SLC2A2: variants seen among roughly 807,000 people sequenced by gnomAD.
SLC2A2 encodes solute carrier family 2, facilitated glucose transporter member 2.
A neutral mutation model predicts 54.5 loss-of-function variants in SLC2A2; 36 were observed. The observed-to-expected ratio is 0.66, with a 90% confidence interval of 0.51 to 0.87. The LOEUF is 0.87. Among genes scored for constraint, SLC2A2 ranks in the 40% least tolerant of loss-of-function variants. The pLI is 0.00. For synonymous variants in SLC2A2, 223 were observed against 219.1 expected (o/e 1.02, Z -0.16); for missense variants, 543 against 624.3 (o/e 0.87, Z 1.39).
chr3:171,012,749 CTT>C (rs745871118), intron 3 of SLC2A2, among the ~76,000 whole-genome samples: 1 of 152,036 alleles, frequency 6.6e-6, no homozygotes, highest in Admixed American at 6.6e-5. Flanking sequence ...ATACTGATAA[CTT>C]TGTCTTAATT....
At chr3:171,020,814 G>A (rs1362739582) in intron 1 of SLC2A2, among the ~76,000 whole-genome samples, 1 of 151,692 alleles carries the variant, frequency 6.6e-6, no homozygotes, top group Non-Finnish European at 1.5e-5. Context: ...AGCCCAGGAG[G>A]TTGCTGCTGC....
At chr3:171,014,428 A>G in intron 3 of SLC2A2, 41 bp downstream of exon 3, 2 of 1,602,282 alleles carry the variant, frequency 1.2e-6, no homozygotes, top group Non-Finnish European at 1.7e-6. Context: ...AAATGAAAAT[A>G]TGAAAGTTTC....
chr3:171,019,647 T>G (rs76266024), intron 1 of SLC2A2, among the ~76,000 whole-genome samples: 188 of 152,276 alleles, frequency 1.2e-3, no homozygotes, highest in African/African-American at 4.5e-3. Flanking sequence ...TCAAATAGAT[T>G]CAGATACATC....
In SLC2A2 at chr3:171,007,167, G is replaced by A. The variant is rs149460434; in HGVS notation, c.593C>T (p.Thr198Met). ...TTTTACCTGACTAATAAGAATGCCC[G>A]TGACGATGGCCAGCTGATGAAAAGT... ...LGTFHQLAIV[T>M]GILISQIIGL... Residue 198 changes from threonine to methionine, a missense_variant, in exon 5 of 11, where the codon ACG becomes ATG. Thr to Met is a moderately conservative substitution (Grantham distance 81). Around this residue, in one of 3 missense-constraint regions of SLC2A2, gnomAD observed 318 missense variants for 343.8 expected, o/e 0.93. Coordinates refer to ENST00000314251, the MANE Select transcript of SLC2A2 (RefSeq NM_000340.2). The A allele has an allele frequency of 7.0e-5, 112 of 1,610,980 alleles. No individual in the cohort carries two copies. Among genetic ancestry groups the A allele is most frequent in the Middle Eastern group, 1.7e-4 (1 of 6,054 alleles).
intron 7 of SLC2A2, among the ~76,000 whole-genome samples, 162 bp downstream of exon 7, chr3:171,005,123 A>G (rs568455597): frequency 2.6e-5 from 4 of 152,168 alleles, no homozygotes; most frequent in East Asian, 1.9e-4. Flanking sequence ...AAAACTTTTG[A>G]AGCAAAATGG....
intron 2 of SLC2A2, among the ~76,000 whole-genome samples, chr3:171,018,215 T>G (rs1445702092): frequency 6.6e-6 from 1 of 152,130 alleles, no homozygotes; most frequent in Non-Finnish European, 1.5e-5. Context: ...AATGTTGCAA[T>G]AAGCTCTTTT....
rs1174349159 is a variant in SLC2A2 at position 170,999,129 on chromosome 3, AAGAG to A, written c.1102_1105del (p.Leu368PhefsTer2). ...AAACATCCCACTCATTCCAATTAGAAAGAGAGAACGTCGCCCTGCCTTCTCCACA... is the reference window on the plus strand; with the variant it reads ...AAACATCCCACTCATTCCAATTAGAAAGAACGTCGCCCTGCCTTCTCCACA... On this transcript the variant is annotated frameshift_variant, in exon 9 of 11. Transcript: ENST00000314251. LOFTEE classifies it high-confidence loss of function. 1 of 1,612,758 alleles carries A rather than the reference AAGAG, an allele frequency of 6.2e-7. No individual in the cohort carries two copies. The highest frequency in any genetic ancestry group is 1.3e-5 in the African/African-American group (1 of 74,832).
chr3:171,011,265 G>A (rs1715868404), intron 3 of SLC2A2, among the ~76,000 whole-genome samples: 1 of 152,108 alleles, frequency 6.6e-6, no homozygotes, highest in Non-Finnish European at 1.5e-5. Flanking sequence ...TGAGAATCTT[G>A]AGATGGGGAG....
At chr3:171,003,011 A>G (rs919159152) in intron 7 of SLC2A2, among the ~76,000 whole-genome samples, 4 of 152,022 alleles carry the variant, frequency 2.6e-5, no homozygotes, top group Admixed American at 2.6e-4. Flanking sequence ...ATTTTCACAA[A>G]CTGAACACAC....
intron 6 of SLC2A2, among the ~76,000 whole-genome samples, 158 bp from the exon 7 acceptor site, chr3:171,005,630 T>C (rs748616551): frequency 6.6e-6 from 1 of 152,072 alleles, no homozygotes; most frequent in Non-Finnish European, 1.5e-5. Context: ...ATCCTGCTCT[T>C]TGATTTAAAA....
At position 170,997,883 on chromosome 3, in the gene SLC2A2, C is replaced by CA. The variant is rs1401956823; in HGVS notation, c.*19dup. 2 of 1,600,272 alleles carry CA rather than the reference C, an allele frequency of 1.2e-6. No homozygotes were observed. The highest frequency in any genetic ancestry group is 1.7e-6 in the Non-Finnish European group (2 of 1,170,774). On this transcript the variant is annotated 3_prime_UTR_variant, in exon 11 of 11. Coordinates refer to ENST00000314251, the MANE Select transcript of SLC2A2 (RefSeq NM_000340.2). Reference sequence around the variant, plus strand: ...GTTCCCTTATTGTTTCTGTTCATGTCAAAAAGCAGGGTTTTTTTTTTACAC... The same window carrying CA: ...GTTCCCTTATTGTTTCTGTTCATGTCAAAAAAGCAGGGTTTTTTTTTTACAC...
At chr3:171,012,090 T>TGTCGTG (rs1322839396) in intron 3 of SLC2A2, among the ~76,000 whole-genome samples, 1 of 152,178 alleles carries the variant, frequency 6.6e-6, no homozygotes, top group Admixed American at 6.6e-5. Context: ...GCTCGATTAT[T>TGTCGTG]GTCGTGGTCA....
chr3:171,007,140 G>GT lies in SLC2A2; in HGVS notation c.612+7dup. ...GTGCAGTAGGGGATAAGGATGGGGA[G>GT]TTTTTACCTGACTAATAAGAATGCC... On this transcript the variant is annotated splice_region_variant and intron_variant, in intron 5 of 10. Transcript: ENST00000314251. The GT allele has an allele frequency of 1.9e-6, 3 of 1,560,540 alleles. No individual in the cohort carries two copies. Among genetic ancestry groups the GT allele is most frequent in the African/African-American group, 1.4e-5 (1 of 73,672 alleles).
Position 171,026,716 on chromosome 3 carries a change from G to A in SLC2A2, c.-46C>T. 6.3e-7 allele frequency: 1 copy of A among 1,579,966 alleles called. No individual in the cohort carries two copies. The highest frequency in any genetic ancestry group is 8.7e-7 in the Non-Finnish European group (1 of 1,148,670). On this transcript the variant is annotated 5_prime_UTR_variant, in exon 1 of 11. Coordinates refer to ENST00000314251, the MANE Select transcript of SLC2A2 (RefSeq NM_000340.2). Reference sequence around the variant, plus strand: ...TCAATTCCAGGTCTTGTGTGAGTGTGGCACATGCACCTGACTAGCTCCTGC... The same window carrying A: ...TCAATTCCAGGTCTTGTGTGAGTGTAGCACATGCACCTGACTAGCTCCTGC...
intron 4 of SLC2A2, 171 bp from the exon 5 acceptor site, chr3:171,007,434 T>G (rs913895368): frequency 3.2e-6 from 2 of 631,466 alleles, no homozygotes; most frequent in African/African-American, 3.6e-5. Flanking sequence ...ATATTTGATA[T>G]GACCTCATAT....
At chr3:170,999,690 C>T (rs1715258918) in intron 8 of SLC2A2, among the ~76,000 whole-genome samples, 1 of 152,020 alleles carries the variant, frequency 6.6e-6, no homozygotes, top group Non-Finnish European at 1.5e-5. Context: ...TAATAAAGTC[C>T]TATTATGACC....
At chr3:171,016,638 T>C (rs1326321375) in intron 2 of SLC2A2, among the ~76,000 whole-genome samples, 2 of 136,392 alleles carry the variant, frequency 1.5e-5, no homozygotes, top group Non-Finnish European at 3.1e-5. Flanking sequence ...GTCATTCAGC[T>C]GATTAAAAAA....
At chr3:171,020,278 A>T (rs1716393483) in intron 1 of SLC2A2, among the ~76,000 whole-genome samples, 1 of 152,160 alleles carries the variant, frequency 6.6e-6, no homozygotes, top group Non-Finnish European at 1.5e-5. Context: ...AGCCCTTGAA[A>T]TTATTTAGTC....
At chr3:171,018,649 G>C (rs1283946851) in intron 1 of SLC2A2, 26 bp from the exon 2 acceptor site, 8 of 1,484,856 alleles carry the variant, frequency 5.4e-6, no homozygotes, top group Non-Finnish European at 7.5e-6. Context: ...CACAGGGCAG[G>C]GAAACACCAG....
Sources: allele counts gnomAD v4.1 joint callset (sites outside exome capture counted in the v4.1 genomes callset), GRCh38; gene constraint gnomAD v4.1.1; regional missense constraint gnomAD v4.1.1; transcripts MANE v1.5; gene names NCBI Gene and HGNC (gene_info 2026-07-23, HGNC 2026-07-21).